Variants in CLEC16A observed in about 807,000 individuals in gnomAD.
CLEC16A encodes the protein C-type lectin domain containing 16A.
A neutral mutation model predicts 109.5 loss-of-function variants in CLEC16A; 51 were observed. That is an observed-to-expected ratio of 0.47 (90% CI 0.37 to 0.59). CLEC16A has a LOEUF of 0.59. Among genes scored for constraint, CLEC16A ranks in the 20% least tolerant of loss-of-function variants. The pLI is 0.00. For missense variants in CLEC16A, 1,339 were observed against 1,394.0 expected (o/e 0.96, Z 0.63); for synonymous variants, 673 against 564.2 (o/e 1.19, Z -2.73).
At chr16:11,035,359 TACTTA>T (rs2046962275) in intron 13 of CLEC16A, among the ~76,000 whole-genome samples, 1 of 152,232 alleles carries the variant, frequency 6.6e-6, no homozygotes, top group African/African-American at 2.4e-5. Flanking sequence ...TGATCAAAAC[TACTTA>T]ACTTTTTAAA....
intron 23 of CLEC16A, among the ~76,000 whole-genome samples, chr16:11,171,706 G>GCAC: frequency 2.6e-5 from 4 of 152,192 alleles, no homozygotes; most frequent in African/African-American, 7.2e-5. Flanking sequence ...CACATGTGGG[G>GCAC]CCACAGGAAA....
chr16:10,947,964 G>A (rs919747503), intron 1 of CLEC16A, among the ~76,000 whole-genome samples: 7 of 152,144 alleles, frequency 4.6e-5, no homozygotes, highest in African/African-American at 1.7e-4. Flanking sequence ...CACGATCTTG[G>A]CTCACTGCAA....
intron 11 of CLEC16A, 90 bp downstream of exon 11, chr16:11,003,395 C>A: frequency 1.0e-6 from 1 of 968,464 alleles, no homozygotes; most frequent in Non-Finnish European, 1.6e-6. Flanking sequence ...ACCCAGACTT[C>A]TGCTCCCCAC....
chr16:11,108,261 A>G (rs899930384), intron 19 of CLEC16A, among the ~76,000 whole-genome samples: 1 of 152,278 alleles, frequency 6.6e-6, no homozygotes, highest in Non-Finnish European at 1.5e-5. Flanking sequence ...TGCCAGGAAG[A>G]GAAACTCTCA....
intron 19 of CLEC16A, among the ~76,000 whole-genome samples, chr16:11,070,142 C>T (rs2048988102): frequency 2.0e-5 from 3 of 151,878 alleles, no homozygotes; most frequent in Admixed American, 2.0e-4. Flanking sequence ...GCAATCTCCA[C>T]TCACTGCAAG....
intron 19 of CLEC16A, among the ~76,000 whole-genome samples, chr16:11,093,564 G>A (rs896503326): frequency 7.2e-5 from 11 of 152,184 alleles, no homozygotes; most frequent in African/African-American, 2.2e-4. Flanking sequence ...ATACCGCCTG[G>A]CACTGAGGAG....
chr16:10,989,754 C>T (rs1408302511), intron 10 of CLEC16A, among the ~76,000 whole-genome samples: 3 of 152,146 alleles, frequency 2.0e-5, no homozygotes, highest in African/African-American at 2.4e-5. Context: ...GCCGGATACT[C>T]CCCCAGGATA....
intron 22 of CLEC16A, among the ~76,000 whole-genome samples, chr16:11,130,036 AC>A (rs1395179314): frequency 6.6e-6 from 1 of 152,164 alleles, no homozygotes; most frequent in Non-Finnish European, 1.5e-5. Context: ...TGCTGGGATT[AC>A]AGGCGTGAGC....
chr16:11,023,660 T>C (rs918684146), intron 12 of CLEC16A, among the ~76,000 whole-genome samples: 6 of 151,886 alleles, frequency 4.0e-5, no homozygotes, highest in African/African-American at 1.5e-4. Context: ...CAGAGATACA[T>C]GTATAGAGTC....
intron 19 of CLEC16A, among the ~76,000 whole-genome samples, chr16:11,069,705 G>GGGCTTGAGCAATC: frequency 6.6e-6 from 1 of 151,990 alleles, no homozygotes. Context: ...GCTTCCCAAA[G>GGGCTTGAGCAATC]TGCCAGGATT....
At chr16:11,038,569 T>G (rs187087254) in intron 13 of CLEC16A, among the ~76,000 whole-genome samples, 1 of 152,244 alleles carries the variant, frequency 6.6e-6, no homozygotes, top group Non-Finnish European at 1.5e-5. Context: ...ACAACAGGGC[T>G]CAAAGTCACA....
intron 10 of CLEC16A, among the ~76,000 whole-genome samples, chr16:10,985,132 G>A (rs2043551763): frequency 6.6e-6 from 1 of 150,846 alleles, no homozygotes; most frequent in Non-Finnish European, 1.5e-5. Context: ...GAACCCAGGA[G>A]GCGGAGCTTG....
intron 13 of CLEC16A, among the ~76,000 whole-genome samples, chr16:11,037,523 C>T (rs574591382): frequency 3.9e-5 from 6 of 152,282 alleles, no homozygotes; most frequent in African/African-American, 1.4e-4. Context: ...AAAGAGCTTG[C>T]CCCAGATTTC....
At chr16:11,026,006 A>G (rs1205404005) in intron 13 of CLEC16A, among the ~76,000 whole-genome samples, 1 of 152,228 alleles carries the variant, frequency 6.6e-6, no homozygotes. Flanking sequence ...CTCTGCTCAC[A>G]TCATCATATT....
chr16:11,095,835 AAAG>A (rs1178421440), intron 19 of CLEC16A, among the ~76,000 whole-genome samples: 2 of 151,238 alleles, frequency 1.3e-5, no homozygotes, highest in Non-Finnish European at 1.5e-5. Context: ...AAAAAAAAAA[AAAG>A]GGAGCTAGAA....
At chr16:10,981,986 A>G (rs1487571196) in intron 9 of CLEC16A, among the ~76,000 whole-genome samples, 1 of 152,232 alleles carries the variant, frequency 6.6e-6, no homozygotes, top group Non-Finnish European at 1.5e-5. Context: ...ATACTCAGTT[A>G]TAGCCCAAAT....
In CLEC16A at chr16:11,007,659, G is replaced by A. The variant is rs1360611942; in HGVS notation, c.1303+4354G>A. On this transcript the variant is annotated intron_variant, in intron 11 of 23. Transcript: ENST00000409790. ...GCCAAGGTGGAGGGCAGAGTGAGGC[G>A]CTCGAACAGCAATTTGAGTGTGGTT... Among the ~76,000 whole-genome samples, 10 of 152,196 alleles carry A rather than the reference G, an allele frequency of 6.6e-5. No individual in the cohort carries two copies. In the South Asian group the frequency reaches 1.9e-3, roughly 28 times the overall value.
At chr16:10,998,780 G>A (rs1467750419) in intron 10 of CLEC16A, among the ~76,000 whole-genome samples, 1 of 152,118 alleles carries the variant, frequency 6.6e-6, no homozygotes, top group Non-Finnish European at 1.5e-5. Context: ...CTCTGGTCCA[G>A]GCACCGTGGG....
intron 10 of CLEC16A, among the ~76,000 whole-genome samples, chr16:10,989,683 G>A (rs1037470535): frequency 6.6e-6 from 1 of 152,164 alleles, no homozygotes; most frequent in Non-Finnish European, 1.5e-5. Flanking sequence ...TTAGCAGTTA[G>A]GATGGTTTCC....
Sources: allele counts gnomAD v4.1 joint callset (sites outside exome capture counted in the v4.1 genomes callset), GRCh38; gene constraint gnomAD v4.1.1; transcripts MANE v1.5; gene names NCBI Gene and HGNC (gene_info 2026-07-23, HGNC 2026-07-21).